RSF1: variants seen among roughly 807,000 people sequenced by gnomAD.
RSF1 encodes the protein HBV pX-associated protein 8.
Under a neutral mutation model 145.2 loss-of-function variants are expected in RSF1, and 13 were observed. That is an observed-to-expected ratio of 0.09 (90% CI 0.06 to 0.14). The LOEUF (loss-of-function observed/expected upper bound fraction) is 0.14. Ranked by LOEUF, RSF1 falls within the 10% of genes least tolerant of loss-of-function variation. The pLI, the probability that RSF1 is intolerant of heterozygous loss-of-function variation, is 1.00. For missense variants in RSF1, 1,517 were observed against 1,718.2 expected (o/e 0.88, Z 2.07); for synonymous variants, 577 against 592.6 (o/e 0.97, Z 0.38).
intron 5 of RSF1, among the ~76,000 whole-genome samples, chr11:77,714,111 T>A (rs1204662916): frequency 6.6e-6 from 1 of 152,226 alleles, no homozygotes; most frequent in Non-Finnish European, 1.5e-5. Flanking sequence ...TCTTCTCCCA[T>A]AAATTTATTT....
chr11:77,834,178 G>A, the RSF1 span, among the ~76,000 whole-genome samples: 2 of 152,062 alleles, frequency 1.3e-5, no homozygotes, highest in Non-Finnish European at 2.9e-5. Flanking sequence ...CTAATTCAAT[G>A]AATAAAATGT....
intron 3 of RSF1, among the ~76,000 whole-genome samples, chr11:77,746,822 T>C (rs1036076793): frequency 2.6e-5 from 4 of 152,158 alleles, no homozygotes; most frequent in Non-Finnish European, 2.9e-5. Flanking sequence ...GCCCATGTTA[T>C]TACTGTCCCT....
intron 5 of RSF1, among the ~76,000 whole-genome samples, chr11:77,706,743 T>C (rs896045521): frequency 6.6e-6 from 1 of 152,182 alleles, no homozygotes; most frequent in African/African-American, 2.4e-5. Context: ...TCATGAGGGT[T>C]TGACATACAG....
chr11:77,727,478 T>TC (rs201548347), intron 4 of RSF1, among the ~76,000 whole-genome samples: 1 of 147,132 alleles, frequency 6.8e-6, no homozygotes, highest in East Asian at 2.0e-4. Context: ...CACTACTTTT[T>TC]TTTTTTTTTT....
At chr11:77,719,641 T>C (rs1349681299) in intron 5 of RSF1, among the ~76,000 whole-genome samples, 1 of 152,194 alleles carries the variant, frequency 6.6e-6, no homozygotes, top group East Asian at 1.9e-4. Flanking sequence ...CTCAAAAATT[T>C]GTATATTAAC....
chr11:77,745,531 A>G (rs1299230221), intron 3 of RSF1, among the ~76,000 whole-genome samples: 4 of 150,852 alleles, frequency 2.7e-5, no homozygotes, highest in African/African-American at 9.8e-5. Flanking sequence ...CATGTTGGTT[A>G]TTCAGTAGTC....
the RSF1 span, among the ~76,000 whole-genome samples, chr11:77,858,869 T>C: frequency 1.3e-5 from 2 of 152,182 alleles, no homozygotes; most frequent in African/African-American, 4.8e-5. Context: ...TTTTACAGCT[T>C]CGATTCTGGA....
chr11:77,806,927 T>G (rs75713100), intron 1 of RSF1, among the ~76,000 whole-genome samples: 11,478 of 152,248 alleles, frequency 0.075, 647 homozygotes, highest in Admixed American at 0.16. Flanking sequence ...ACATGACACA[T>G]TCATTCAGCT....
the RSF1 span, among the ~76,000 whole-genome samples, chr11:77,831,363 G>A: frequency 6.6e-6 from 1 of 152,106 alleles, no homozygotes; most frequent in Non-Finnish European, 1.5e-5. Context: ...AGAAAAATGA[G>A]CATATGTCCA....
intron 1 of RSF1, among the ~76,000 whole-genome samples, chr11:77,813,053 A>T (rs1948745934): frequency 6.6e-6 from 1 of 152,024 alleles, no homozygotes; most frequent in East Asian, 1.9e-4. Context: ...TTAAATAAAC[A>T]CTGCAAATTC....
the RSF1 span, among the ~76,000 whole-genome samples, chr11:77,834,444 T>TG: frequency 6.8e-6 from 1 of 146,034 alleles, no homozygotes; most frequent in African/African-American, 2.5e-5. Context: ...TGATTTTGTT[T>TG]TTTTTTTTTT....
In RSF1 at chr11:77,785,957, A is replaced by T. The variant is rs140945936; in HGVS notation, c.188-21268T>A. Among the ~76,000 whole-genome samples, 1,005 of 141,860 alleles carry T rather than the reference A, an allele frequency of 7.1e-3. 37 individuals carry two copies. Among genetic ancestry groups the T allele is most frequent in the African/African-American group, 0.025 (928 of 37,420 alleles). The allele number at this position is 141,860 out of a possible 152,430, so 93.1% of individuals were successfully genotyped here. A position where few individuals can be genotyped will look rare whatever the true frequency, so the allele number is the denominator to read the frequency against. ...AAAAAAAAAAAAAAAAAAAAAAAGAATTATACGTAGATCTATTTGTTAAAC... is the reference window on the plus strand; with the variant it reads ...AAAAAAAAAAAAAAAAAAAAAAAGATTTATACGTAGATCTATTTGTTAAAC... On this transcript the variant is annotated intron_variant, in intron 1 of 15. Coordinates refer to ENST00000308488, the MANE Select transcript of RSF1 (RefSeq NM_016578.4).
At chr11:77,726,708 G>A (rs1330786494) in intron 4 of RSF1, among the ~76,000 whole-genome samples, 1 of 152,158 alleles carries the variant, frequency 6.6e-6, no homozygotes, top group Non-Finnish European at 1.5e-5. Flanking sequence ...TGTTCTCAAT[G>A]TGCGATGTAA....
the RSF1 span, among the ~76,000 whole-genome samples, chr11:77,846,708 T>C: frequency 6.6e-6 from 1 of 152,148 alleles, no homozygotes; most frequent in Admixed American, 6.5e-5. Flanking sequence ...CTACATCTCA[T>C]AAAAAGAAAT....
intron 3 of RSF1, among the ~76,000 whole-genome samples, chr11:77,744,388 G>A (rs767031545): frequency 9.9e-5 from 15 of 152,032 alleles, no homozygotes; most frequent in Admixed American, 3.3e-4. Flanking sequence ...GCAGTGGCAC[G>A]ATCACAGCTC....
At chr11:77,749,437 G>T (rs943926216) in intron 2 of RSF1, among the ~76,000 whole-genome samples, 3 of 152,142 alleles carry the variant, frequency 2.0e-5, no homozygotes, top group Non-Finnish European at 4.4e-5. Flanking sequence ...AACGTTGGCT[G>T]ACTATCCCAG....
At chr11:77,749,410 A>C (rs1948036719) in intron 2 of RSF1, among the ~76,000 whole-genome samples, 1 of 152,176 alleles carries the variant, frequency 6.6e-6, no homozygotes, top group Non-Finnish European at 1.5e-5. Context: ...TTGAGTACCA[A>C]GTCCCTAGAA....
chr11:77,780,972 G>C (rs564568870), intron 1 of RSF1, among the ~76,000 whole-genome samples: 2 of 152,118 alleles, frequency 1.3e-5, no homozygotes, highest in Middle Eastern at 3.4e-3. Flanking sequence ...CATATAATAC[G>C]AACTCTTTTT....
At position 77,677,010 on chromosome 11, in the gene RSF1, G is replaced by C; in HGVS notation, c.3134-11C>G. 1 of 1,608,408 alleles carries C rather than the reference G, an allele frequency of 6.2e-7. No individual in the cohort carries two copies. The highest frequency in any genetic ancestry group is 1.1e-5 in the South Asian group (1 of 90,398). ...TTCCTCGGCCAACTCCTGAATTTGG[G>C]GGAGGGAAGTTCGGGGAGAGAAAAA... is the stretch of plus-strand genomic sequence containing the variant. On this transcript the variant is annotated splice_polypyrimidine_tract_variant and intron_variant, in intron 12 of 15. Coordinates refer to ENST00000308488, the MANE Select transcript of RSF1 (RefSeq NM_016578.4).
Sources: allele counts gnomAD v4.1 joint callset (sites outside exome capture counted in the v4.1 genomes callset), GRCh38; gene constraint gnomAD v4.1.1; transcripts MANE v1.5; gene names NCBI Gene and HGNC (gene_info 2026-07-23, HGNC 2026-07-21).